Variants in PALLD observed in about 807,000 individuals in gnomAD.
PALLD encodes palladin, cytoskeletal associated protein, also known as palladin.
Under a neutral mutation model 123.5 loss-of-function variants are expected in PALLD, and 61 were observed. That is an observed-to-expected ratio of 0.49 (90% CI 0.40 to 0.61). The LOEUF (loss-of-function observed/expected upper bound fraction) is 0.61. Ranked by LOEUF, PALLD falls within the 20% of genes least tolerant of loss-of-function variation. The pLI is 0.00. For synonymous variants in PALLD, 465 were observed against 496.4 expected, an observed-to-expected ratio of 0.94 and a Z score of 0.84; for missense variants, 1,273 against 1,377.0, an observed-to-expected ratio of 0.92 and a Z score of 1.20.
At chr4:168,738,177 A>C (rs769742907) in intron 10 of PALLD, among the ~76,000 whole-genome samples, 5 of 152,188 alleles carry the variant, frequency 3.3e-5, no homozygotes, top group Non-Finnish European at 7.3e-5. Flanking sequence ...CAGGGTTTGG[A>C]ATCAATTATG....
At chr4:168,506,719 T>C (rs1762044475) in intron 1 of PALLD, among the ~76,000 whole-genome samples, 2 of 152,194 alleles carry the variant, frequency 1.3e-5, no homozygotes, top group African/African-American at 2.4e-5. Flanking sequence ...TATGATCTTT[T>C]CAAAACAAAC....
chr4:168,766,080 C>G (rs2150472401), intron 10 of PALLD, among the ~76,000 whole-genome samples: 1 of 152,334 alleles, frequency 6.6e-6, no homozygotes, highest in East Asian at 1.9e-4. Flanking sequence ...AGGACCCAAG[C>G]AGGAAGATTT....
At chr4:168,689,821 GAGA>G (rs1222019708) in intron 6 of PALLD, among the ~76,000 whole-genome samples, 1 of 152,152 alleles carries the variant, frequency 6.6e-6, no homozygotes, top group Admixed American at 6.5e-5. Context: ...GTTAATTCTG[GAGA>G]AGGAGGGTAG....
chr4:168,686,446 A>T (rs1306338649), intron 6 of PALLD, among the ~76,000 whole-genome samples: 2 of 152,024 alleles, frequency 1.3e-5, no homozygotes, highest in Non-Finnish European at 1.5e-5. Flanking sequence ...CTCATTGTTC[A>T]ACTCCCACTT....
intron 2 of PALLD, among the ~76,000 whole-genome samples, chr4:168,652,605 C>T (rs1778165896): frequency 6.6e-6 from 1 of 152,138 alleles, no homozygotes; most frequent in Non-Finnish European, 1.5e-5. Flanking sequence ...TGGGAAGAAA[C>T]ATTGGAAACT....
intron 2 of PALLD, among the ~76,000 whole-genome samples, chr4:168,640,173 C>G (rs545731214): frequency 1.3e-5 from 2 of 152,266 alleles, no homozygotes; most frequent in Admixed American, 1.3e-4. Flanking sequence ...TCAAGTTCAG[C>G]GTATTATCCT....
In PALLD at chr4:168,869,382, G is replaced by C. The variant is rs566421175; in HGVS notation, c.1965-21540G>C. Among the ~76,000 whole-genome samples the C allele has an allele frequency of 6.6e-6, 1 of 152,288 alleles. No individual in the cohort carries two copies. Among genetic ancestry groups the C allele is most frequent in the Admixed American group, 6.5e-5 (1 of 15,288 alleles). On this transcript the variant is annotated intron_variant, in intron 10 of 21. Coordinates refer to ENST00000505667, the MANE Select transcript of PALLD (RefSeq NM_001166108.2). The surrounding 1 kb of genome is among the most constrained non-coding windows in gnomAD (Gnocchi z 4.5). ...CATGCCAGCCTTGTGGGCTGGAGTA[G>C]TATGGAGGAGGGAGTAAGAACTGCT...
intron 2 of PALLD, among the ~76,000 whole-genome samples, chr4:168,594,964 A>C (rs1336616210): frequency 6.6e-6 from 1 of 152,194 alleles, no homozygotes; most frequent in African/African-American, 2.4e-5. Flanking sequence ...GAATCTTCTT[A>C]CAGAGTAATC....
intron 10 of PALLD, among the ~76,000 whole-genome samples, chr4:168,739,381 C>T (rs1788100991): frequency 6.6e-6 from 1 of 152,118 alleles, no homozygotes; most frequent in African/African-American, 2.4e-5. Flanking sequence ...TACATTCCCA[C>T]CAACAATATA....
chr4:168,894,430 AG>A, intron 11 of PALLD, 148 bp from the exon 12 acceptor site: 1 of 682,072 alleles, frequency 1.5e-6, no homozygotes, highest in Non-Finnish European at 2.6e-6. Context: ...AACTGAAGCA[AG>A]AAAAAGAAAT....
At chr4:168,802,730 G>T (rs1369238775) in intron 10 of PALLD, among the ~76,000 whole-genome samples, 2 of 151,034 alleles carry the variant, frequency 1.3e-5, no homozygotes, top group East Asian at 1.9e-4. Flanking sequence ...CACTCTTGTT[G>T]CCCAGGCTGG....
chr4:168,598,255 C>A (rs1772185573), intron 2 of PALLD: 1 of 411,878 alleles, frequency 2.4e-6, no homozygotes, highest in East Asian at 6.6e-5. Flanking sequence ...TAGCTTCATT[C>A]TTTGATGCCT....
At chr4:168,878,519 C>T in intron 10 of PALLD, 1 of 631,528 alleles carries the variant, frequency 1.6e-6, no homozygotes, top group Non-Finnish European at 2.5e-6. Flanking sequence ...ACATTTCACA[C>T]ATTTCTCTCC....
chr4:168,690,803 A>G, intron 7 of PALLD, 59 bp downstream of exon 7: 2 of 1,558,756 alleles, frequency 1.3e-6, no homozygotes, highest in Non-Finnish European at 1.8e-6. Flanking sequence ...AGCTTCAAGA[A>G]AACCAAGAAG....
intron 2 of PALLD, among the ~76,000 whole-genome samples, chr4:168,594,237 A>G (rs1771751709): frequency 6.6e-6 from 1 of 152,210 alleles, no homozygotes; most frequent in Non-Finnish European, 1.5e-5. Flanking sequence ...TAGAAGTGAA[A>G]AGGACTTTGA....
At chr4:168,563,639 A>G (rs1768078711) in intron 2 of PALLD, among the ~76,000 whole-genome samples, 1 of 152,220 alleles carries the variant, frequency 6.6e-6, no homozygotes, top group Admixed American at 6.5e-5. Context: ...ATTATCAGTT[A>G]AAGTCATATG....
chr4:168,833,634 A>T (rs769961449), intron 10 of PALLD, among the ~76,000 whole-genome samples: 23 of 151,932 alleles, frequency 1.5e-4, no homozygotes, highest in Admixed American at 5.2e-4. Context: ...TCCTGTCAGG[A>T]CTGTCTCCTT....
At chr4:168,632,365 C>T (rs991670723) in intron 2 of PALLD, among the ~76,000 whole-genome samples, 3 of 152,202 alleles carry the variant, frequency 2.0e-5, no homozygotes, top group African/African-American at 7.2e-5. Flanking sequence ...TTCTGACAGC[C>T]TAAGAGCTGC....
intron 2 of PALLD, among the ~76,000 whole-genome samples, chr4:168,557,674 C>T (rs1001406234): frequency 4.6e-5 from 7 of 152,260 alleles, no homozygotes; most frequent in African/African-American, 1.4e-4. Flanking sequence ...TCCACTGTTA[C>T]GTAAGGTGCC....
Sources: gnomAD v4.1 joint callset for allele counts (sites outside exome capture counted in the v4.1 genomes callset) on GRCh38, gnomAD v4.1.1 for gene constraint, Gnocchi (gnomAD v3.1) non-coding constraint, MANE v1.5 for transcripts, NCBI Gene and HGNC (gene_info 2026-07-23, HGNC 2026-07-21) for gene names.